Variants in NTM observed in about 807,000 individuals in gnomAD.
NTM encodes the protein IgLON family member 2.
Under a neutral mutation model 42.1 loss-of-function variants are expected in NTM, and 13 were observed. The observed-to-expected ratio is 0.31, with a 90% CI of 0.20 to 0.49. NTM has a LOEUF of 0.49. Ranked by LOEUF, NTM falls within the 20% of genes least tolerant of loss-of-function variation. NTM has a pLI of 0.99. For missense variants in NTM, 373 were observed against 452.8 expected (o/e 0.82, Z 1.60); for synonymous variants, 187 against 179.2 (o/e 1.04, Z -0.35).
At chr11:131,896,688 T>G (rs1255687009) in intron 1 of NTM, among the ~76,000 whole-genome samples, 1 of 142,106 alleles carries the variant, frequency 7.0e-6, no homozygotes. Context: ...GCTTTTTTTT[T>G]TTTTTTTTTT....
At chr11:131,598,770 C>CT (rs1313746123) in intron 1 of NTM, among the ~76,000 whole-genome samples, 1 of 90,880 alleles carries the variant, frequency 1.1e-5, no homozygotes, top group African/African-American at 3.2e-5. Context: ...TTCTTTTTTT[C>CT]TTTCTTTCTT....
intron 1 of NTM, among the ~76,000 whole-genome samples, chr11:131,485,508 T>G (rs572988015): frequency 6.6e-6 from 1 of 152,156 alleles, no homozygotes; most frequent in African/African-American, 2.4e-5. Context: ...AAAAGTGCAA[T>G]GTCCCAGAGC....
intron 1 of NTM, among the ~76,000 whole-genome samples, chr11:131,513,560 C>T (rs2048522640): frequency 6.6e-6 from 1 of 152,210 alleles, no homozygotes; most frequent in Admixed American, 6.5e-5. Context: ...CGGCTTCCTT[C>T]CCAAGTCCTT....
intron 1 of NTM, chr11:131,671,630 C>T: frequency 1.0e-6 from 1 of 984,122 alleles, no homozygotes; most frequent in East Asian, 1.1e-4. Flanking sequence ...GCAAATGGCT[C>T]AGAGCCCTGT....
intron 2 of NTM, among the ~76,000 whole-genome samples, chr11:131,956,469 A>G (rs1165881876): frequency 6.6e-6 from 1 of 152,064 alleles, no homozygotes; most frequent in Admixed American, 6.6e-5. Context: ...ATACTTTAGC[A>G]TTACTCTGGG....
intron 2 of NTM, among the ~76,000 whole-genome samples, chr11:132,096,830 G>T (rs1408122369): frequency 6.6e-6 from 1 of 152,182 alleles, no homozygotes; most frequent in Non-Finnish European, 1.5e-5. Flanking sequence ...GAGAGGAACA[G>T]GGTGACCAAG....
chr11:132,217,358 CTGTGTGTGTGTGTG>C (rs375759515), intron 4 of NTM, among the ~76,000 whole-genome samples: 1 of 142,638 alleles, frequency 7.0e-6, no homozygotes, highest in South Asian at 2.4e-4. Flanking sequence ...CTCTCTCTTT[CTGTGTGTGTGTGTG>C]TGTGTGTGTG....
At chr11:131,571,386 T>C (rs2057423406) in intron 1 of NTM, among the ~76,000 whole-genome samples, 1 of 152,174 alleles carries the variant, frequency 6.6e-6, no homozygotes, top group Admixed American at 6.5e-5. Context: ...GTAGGTATTA[T>C]GCCTGTGTTA....
chr11:132,214,761 AGGTG>A (rs2083496306), intron 4 of NTM, among the ~76,000 whole-genome samples: 1 of 152,154 alleles, frequency 6.6e-6, no homozygotes, highest in East Asian at 1.9e-4. Context: ...AGCCTGGGCC[AGGTG>A]TCCCATTTTA....
intron 7 of NTM, among the ~76,000 whole-genome samples, chr11:132,328,349 C>T (rs1395961609): frequency 6.6e-6 from 1 of 152,074 alleles, no homozygotes; most frequent in African/African-American, 2.4e-5. Flanking sequence ...TAGCTAAAGT[C>T]AAGGATGAGC....
chr11:131,571,218 T>C (rs2057410116), intron 1 of NTM, among the ~76,000 whole-genome samples: 1 of 152,222 alleles, frequency 6.6e-6, no homozygotes, highest in Non-Finnish European at 1.5e-5. Flanking sequence ...CCATGCTTTT[T>C]TATAAATGCT....
chr11:131,465,680 G>T (rs1388232502), intron 1 of NTM, among the ~76,000 whole-genome samples: 1 of 152,220 alleles, frequency 6.6e-6, no homozygotes. Context: ...GAATTCCACA[G>T]CGAACAGTCT....
intron 3 of NTM, among the ~76,000 whole-genome samples, chr11:132,205,887 AG>A (rs1475968330): frequency 6.6e-6 from 1 of 152,160 alleles, no homozygotes; most frequent in African/African-American, 2.4e-5. Context: ...AGCAAGTCTA[AG>A]ATAGAATTAA....
intron 2 of NTM, among the ~76,000 whole-genome samples, chr11:131,954,741 C>G (rs1012871780): frequency 1.3e-5 from 2 of 152,164 alleles, no homozygotes; most frequent in African/African-American, 4.8e-5. Flanking sequence ...CCACATTCGT[C>G]ATTGTTAACA....
intron 1 of NTM, among the ~76,000 whole-genome samples, chr11:131,899,916 T>G (rs1008789961): frequency 6.6e-6 from 1 of 152,244 alleles, no homozygotes; most frequent in African/African-American, 2.4e-5. Flanking sequence ...CAAAACAAAT[T>G]ATTTCAATTT....
rs1491093634 is a variant in NTM at position 131,873,625 on chromosome 11, A to ATG, written c.83-37938_83-37937insGT. Among the ~76,000 whole-genome samples, 12 of 114,002 alleles carry ATG rather than the reference A, an allele frequency of 1.1e-4. 1 individual carries two copies. Among genetic ancestry groups the ATG allele is most frequent in the African/African-American group, 3.4e-4 (9 of 26,156 alleles). The allele number at this position is 114,002 out of a possible 152,430, so 74.8% of individuals were successfully genotyped here. A position where few individuals can be genotyped will look rare whatever the true frequency, so the allele number is the denominator to read the frequency against. On this transcript the variant is annotated intron_variant, in intron 1 of 8. Transcript: ENST00000683400. ...ATATATATATACCGTATATATATAC[A>ATG]TATATATATACACATATATATATAC...
intron 5 of NTM, 43 bp from the exon 6 acceptor site, chr11:132,310,069 A>G: frequency 6.5e-7 from 1 of 1,532,036 alleles, no homozygotes; most frequent in Non-Finnish European, 8.7e-7. Context: ...AAAAAAAAAA[A>G]AAAAAGGTGG....
chr11:131,430,747 C>T (rs1269037753), intron 1 of NTM, among the ~76,000 whole-genome samples: 1 of 152,226 alleles, frequency 6.6e-6, no homozygotes, highest in African/African-American at 2.4e-5. Context: ...CCTCTGCCCC[C>T]CACCATGGGC....
At chr11:131,500,045 T>C (rs962930679) in intron 1 of NTM, among the ~76,000 whole-genome samples, 8 of 152,238 alleles carry the variant, frequency 5.3e-5, no homozygotes, top group Non-Finnish European at 2.9e-5. Flanking sequence ...ATGCCTGCCC[T>C]GCAAGTGTGT....
Sources: gnomAD v4.1 joint callset for allele counts (sites outside exome capture counted in the v4.1 genomes callset) on GRCh38, gnomAD v4.1.1 for gene constraint, MANE v1.5 for transcripts, NCBI Gene and HGNC (gene_info 2026-07-23, HGNC 2026-07-21) for gene names.